PLPPR5: variants seen among roughly 807,000 people sequenced by gnomAD.
PLPPR5 encodes phospholipid phosphatase related 5, also known as phospholipid phosphatase-related protein type 5.
A neutral mutation model predicts 33.9 loss-of-function variants in PLPPR5; 16 were observed. That is an observed-to-expected ratio of 0.47 (90% confidence interval 0.32 to 0.72). PLPPR5 has a LOEUF of 0.72. Ranked by LOEUF, PLPPR5 falls within the 30% of genes least tolerant of loss-of-function variation. PLPPR5 has a pLI of 0.03. For synonymous variants in PLPPR5, 163 were observed against 150.3 expected, an observed-to-expected ratio of 1.08 and a Z score of -0.62; for missense variants, 301 against 406.7, an observed-to-expected ratio of 0.74 and a Z score of 2.23.
Position 98,918,184 on chromosome 1 carries a change from T to C in PLPPR5, c.799-3264A>G, listed in dbSNP as rs1238142453. Reference sequence around the variant, plus strand: ...TTGCATGGGGTTAAGTGCATGGGCTTTGGGGTCAAACTGGTCTGGATCATA... The same window carrying C: ...TTGCATGGGGTTAAGTGCATGGGCTCTGGGGTCAAACTGGTCTGGATCATA... On this transcript the variant is annotated intron_variant, in intron 4 of 5. Transcript: ENST00000263177. 3.9e-5 allele frequency among the ~76,000 whole-genome samples: 6 copies of C among 152,302 alleles called. No individual in the cohort carries two copies. In the East Asian group the frequency reaches 1.2e-3, roughly 29 times the overall value.
At chr1:98,987,717 A>C (rs1191083444) in intron 1 of PLPPR5, among the ~76,000 whole-genome samples, 1 of 151,960 alleles carries the variant, frequency 6.6e-6, no homozygotes, top group African/African-American at 2.4e-5. Context: ...CTAATGAAGA[A>C]ACCAGTGGGT....
chr1:98,932,101 G>A (rs1433157581), intron 3 of PLPPR5, among the ~76,000 whole-genome samples: 1 of 152,180 alleles, frequency 6.6e-6, no homozygotes, highest in East Asian at 1.9e-4. Context: ...GTGGCCAACA[G>A]AAGTTTCTAG....
chr1:98,993,146 T>C (rs372439765), intron 1 of PLPPR5, among the ~76,000 whole-genome samples: 2 of 152,254 alleles, frequency 1.3e-5, no homozygotes, highest in African/African-American at 4.8e-5. Flanking sequence ...GTTAACTCAT[T>C]AGTTGCATAA....
At chr1:98,948,991 C>T (rs756295814) in intron 3 of PLPPR5, among the ~76,000 whole-genome samples, 3 of 152,042 alleles carry the variant, frequency 2.0e-5, no homozygotes, top group African/African-American at 4.8e-5. Flanking sequence ...GGAAGTGACC[C>T]GAGGAGGTCA....
At chr1:98,941,263 A>G (rs896214017) in intron 3 of PLPPR5, among the ~76,000 whole-genome samples, 2 of 151,978 alleles carry the variant, frequency 1.3e-5, no homozygotes. Flanking sequence ...CATATTAAAA[A>G]GAGAAAAGCT....
intron 3 of PLPPR5, among the ~76,000 whole-genome samples, chr1:98,923,155 C>T (rs1183784427): frequency 6.6e-6 from 1 of 152,158 alleles, no homozygotes; most frequent in East Asian, 1.9e-4. Flanking sequence ...AGCCACTACG[C>T]TCAAGAATAA....
At chr1:98,903,872 T>C (rs974250633) in intron 5 of PLPPR5, among the ~76,000 whole-genome samples, 7 of 152,208 alleles carry the variant, frequency 4.6e-5, no homozygotes, top group Non-Finnish European at 8.8e-5. Context: ...CCAAGCTCTC[T>C]GTCCACCCAT....
intron 1 of PLPPR5, among the ~76,000 whole-genome samples, chr1:98,983,610 G>T (rs889409499): frequency 3.3e-5 from 5 of 151,166 alleles, no homozygotes; most frequent in Non-Finnish European, 7.4e-5. Context: ...CCCAGTAATG[G>T]GATGGCTGGG....
intron 3 of PLPPR5, among the ~76,000 whole-genome samples, chr1:98,944,134 G>A (rs1016720691): frequency 1.3e-5 from 2 of 152,162 alleles, no homozygotes; most frequent in Non-Finnish European, 2.9e-5. Context: ...CAGATTTGGG[G>A]AGATAAATCC....
In PLPPR5 at chr1:98,907,510, T is replaced by G. The variant is rs913740016; in HGVS notation, c.933+7276A>C. On this transcript the variant is annotated intron_variant, in intron 5 of 5. Transcript: ENST00000263177. ...CACCCAGCCAAATTTCTTGTAATCT[T>G]TTTCTTTTTCTTAATGCTCTATTAA... Among the ~76,000 whole-genome samples the G allele has an allele frequency of 5.3e-5, 8 of 152,152 alleles. No homozygotes were observed. The East Asian group carries it at 1.5e-3, about 29-fold the overall frequency.
At chr1:98,995,284 G>A (rs1044039866) in intron 1 of PLPPR5, among the ~76,000 whole-genome samples, 2 of 151,998 alleles carry the variant, frequency 1.3e-5, no homozygotes, top group Non-Finnish European at 2.9e-5. Flanking sequence ...CACAAAGAAG[G>A]AAACAATAGA....
At chr1:98,911,902 G>C (rs1042427033) in intron 5 of PLPPR5, among the ~76,000 whole-genome samples, 1 of 152,006 alleles carries the variant, frequency 6.6e-6, no homozygotes, top group African/African-American at 2.4e-5. Context: ...TAGTACTACA[G>C]GCACATGCCA....
intron 5 of PLPPR5, among the ~76,000 whole-genome samples, chr1:98,910,376 A>G (rs548260477): frequency 6.6e-6 from 1 of 152,294 alleles, no homozygotes; most frequent in East Asian, 1.9e-4. Context: ...GTGAGTACTC[A>G]GTGATGTTGA....
chr1:99,002,084 T>A (rs115389072), intron 1 of PLPPR5, among the ~76,000 whole-genome samples: 1 of 152,122 alleles, frequency 6.6e-6, no homozygotes, highest in Non-Finnish European at 1.5e-5. Context: ...GTGAGCATGC[T>A]AACCCAGCGT....
chr1:98,942,076 A>AAGAGAGAGAG (rs138044131), intron 3 of PLPPR5, among the ~76,000 whole-genome samples: 6 of 148,200 alleles, frequency 4.0e-5, no homozygotes, highest in African/African-American at 1.2e-4. Flanking sequence ...GAGAGGAAGA[A>AAGAGAGAGAG]AGAGAGAGAG....
At chr1:98,938,239 T>C (rs1439568770) in intron 3 of PLPPR5, among the ~76,000 whole-genome samples, 2 of 152,080 alleles carry the variant, frequency 1.3e-5, no homozygotes, top group African/African-American at 4.8e-5. Flanking sequence ...TTCCAATCTA[T>C]GTGACCACCT....
At chr1:98,926,447 A>T (rs1038734077) in intron 3 of PLPPR5, among the ~76,000 whole-genome samples, 1 of 132,616 alleles carries the variant, frequency 7.5e-6, no homozygotes, top group Non-Finnish European at 1.6e-5. Context: ...AGGTTTGATT[A>T]GTGTGTGTGT....
intron 3 of PLPPR5, among the ~76,000 whole-genome samples, chr1:98,923,065 T>G (rs1649631994): frequency 6.6e-6 from 1 of 151,504 alleles, no homozygotes; most frequent in Admixed American, 6.6e-5. Flanking sequence ...AAACAGTGAA[T>G]AGGTACCTAC....
intron 1 of PLPPR5, among the ~76,000 whole-genome samples, chr1:98,985,601 G>A (rs1192426094): frequency 1.3e-5 from 2 of 151,878 alleles, no homozygotes; most frequent in Non-Finnish European, 2.9e-5. Context: ...TTCCAGTCCT[G>A]CAAACCCCTT....
Sources: allele counts gnomAD v4.1 joint callset (sites outside exome capture counted in the v4.1 genomes callset), GRCh38; gene constraint gnomAD v4.1.1; transcripts MANE v1.5; gene names NCBI Gene and HGNC (gene_info 2026-07-23, HGNC 2026-07-21).